Variants in CTC1 observed in about 807,000 individuals in gnomAD.
CTC1 encodes the protein CST complex subunit CTC1.
Under a neutral mutation model 136.3 loss-of-function variants are expected in CTC1, and 91 were observed. That is an observed-to-expected ratio of 0.67 (90% CI 0.56 to 0.79). CTC1 has a LOEUF of 0.79. Among genes scored for constraint, CTC1 ranks in the 30% least tolerant of loss-of-function variants. The pLI, the probability that CTC1 is intolerant of heterozygous loss-of-function variation, is 0.00. For synonymous variants in CTC1, 606 were observed against 613.8 expected, an observed-to-expected ratio of 0.99 and a Z score of 0.19; for missense variants, 1,432 against 1,498.1, an observed-to-expected ratio of 0.96 and a Z score of 0.73.
Position 8,229,420 on chromosome 17 carries a change from G to A in CTC1, c.3038C>T (p.Ala1013Val), listed in dbSNP as rs751416791. Residue 1013 changes from alanine (A) to valine (V), a missense_variant, in exon 19 of 23, where the codon GCT becomes GTT. Ala to Val is a moderately conservative substitution (Grantham distance 64). Transcript: ENST00000651323. Reference sequence around the variant, plus strand: ...GGACTGACCACCCTGCAGAAGTTCAGCCAGGTAGATGTGGGGCAGGGGAAT... The same window carrying A: ...GGACTGACCACCCTGCAGAAGTTCAACCAGGTAGATGTGGGGCAGGGGAAT... ...ISIPLPHIYL[A>V]ELLQGGQSPF... The A allele has an allele frequency of 6.2e-7, 1 of 1,613,822 alleles. No homozygotes were observed. Among genetic ancestry groups the A allele is most frequent in the South Asian group, 1.1e-5 (1 of 91,080 alleles).
rs1451961685 is a variant in CTC1, at chr17:8,226,310, A to C, written c.*1870T>G. 2.0e-5 allele frequency: 3 copies of C among 152,236 alleles called. No homozygotes were observed. The highest frequency in any genetic ancestry group is 7.2e-5 in the African/African-American group (3 of 41,452). 9.4% of individuals were successfully genotyped at this position (152,236 alleles called of 1,614,324 possible). On this transcript the variant is annotated 3_prime_UTR_variant, in exon 23 of 23. Transcript: ENST00000651323. ...TTTAACCAACTAAGCCACGGCGCCG[A>C]AGCTGCCATAAAGGTTCCTGAAATT... is the stretch of plus-strand genomic sequence containing the variant.
At chr17:8,244,175 C>T (rs993244912) in intron 1 of CTC1, among the ~76,000 whole-genome samples, 2 of 152,172 alleles carry the variant, frequency 1.3e-5, no homozygotes, top group Admixed American at 1.3e-4. Flanking sequence ...AATTTTTAAT[C>T]ATCTCCTTTT....
At chr17:8,229,102 T>C (rs749255678) in intron 20 of CTC1, 40 bp downstream of exon 20, 1 of 1,601,350 alleles carries the variant, frequency 6.2e-7, no homozygotes, top group South Asian at 1.1e-5. Flanking sequence ...AGTGGTCTCA[T>C]AAGTAAATGG....
Position 8,235,860 on chromosome 17 carries a change from G to A in CTC1, c.1177C>T (p.Arg393Trp), listed in dbSNP as rs767962215. ...AGACACACTCCAGGTCGCATCACCC[G>A]CCTAAGGCCACGGAACTGCTGGTAG... ...LAYQQFRGLRRVMRPGVCLQL... is the reference protein window; with the variant it reads ...LAYQQFRGLRWVMRPGVCLQL... Residue 393 changes from arginine to tryptophan, a missense_variant, in exon 7 of 23, where the codon CGG becomes TGG. Coordinates refer to ENST00000651323, the MANE Select transcript of CTC1 (RefSeq NM_025099.6). 26 of 1,613,368 alleles carry A rather than the reference G, an allele frequency of 1.6e-5. 1 individual carries two copies. In the South Asian group the frequency reaches 2.1e-4, roughly 13 times the overall value.
intron 1 of CTC1, among the ~76,000 whole-genome samples, chr17:8,245,764 T>A (rs1455011725): frequency 6.6e-6 from 1 of 151,878 alleles, no homozygotes; most frequent in Non-Finnish European, 1.5e-5. Context: ...CAAAGACCCG[T>A]CTCTACAAAA....
intron 2 of CTC1, among the ~76,000 whole-genome samples, chr17:8,241,082 A>G (rs1459373450): frequency 6.6e-6 from 1 of 152,018 alleles, no homozygotes; most frequent in Non-Finnish European, 1.5e-5. Context: ...TGAGGTCAGG[A>G]GTTCAAGACC....
chr17:8,241,800 T>C (rs1988240159), intron 2 of CTC1, among the ~76,000 whole-genome samples: 1 of 144,242 alleles, frequency 6.9e-6, no homozygotes, highest in Non-Finnish European at 1.5e-5. Context: ...CTGTGAGCCA[T>C]GTTTATACCA....
intron 1 of CTC1, 47 bp from the exon 2 acceptor site, chr17:8,243,195 C>T (rs375294079): frequency 6.4e-7 from 1 of 1,564,184 alleles, no homozygotes; most frequent in African/African-American, 1.4e-5. Context: ...TCCGGCCCAC[C>T]AAGGAAACTT....
intron 1 of CTC1, among the ~76,000 whole-genome samples, chr17:8,247,019 A>C (rs1398120816): frequency 7.1e-6 from 1 of 141,786 alleles, no homozygotes; most frequent in Non-Finnish European, 1.5e-5. Flanking sequence ...TTTGAGATGG[A>C]GTCTGGCTCT....
intron 2 of CTC1, among the ~76,000 whole-genome samples, chr17:8,238,897 C>T (rs974171387): frequency 3.3e-5 from 5 of 151,908 alleles, no homozygotes; most frequent in Admixed American, 3.3e-4. Context: ...TTGAGACCAG[C>T]CCGGCCAACA....
Position 8,238,233 on chromosome 17 carries a change from G to C in CTC1, c.445C>G (p.Leu149Val). The C allele has an allele frequency of 6.2e-7, 1 of 1,605,426 alleles. No homozygotes were observed. Among genetic ancestry groups the C allele is most frequent in the Non-Finnish European group, 8.5e-7 (1 of 1,174,000 alleles). The change falls in exon 4 of 23, where the codon CTG becomes GTG. Residue 149 changes from leucine (L) to valine (V), a missense_variant. Coordinates refer to ENST00000651323, the MANE Select transcript of CTC1 (RefSeq NM_025099.6). Reference sequence around the variant, plus strand: ...AGATGGCCCAACCAAGAAAGGTCCAGGTCTATGAGCTAAGAAAGACCAAGA... The same window carrying C: ...AGATGGCCCAACCAAGAAAGGTCCACGTCTATGAGCTAAGAAAGACCAAGA... Reference protein sequence around the residue: ...TGVLSCELIDLDLSWLGHLFL... With the variant: ...TGVLSCELIDVDLSWLGHLFL...
chr17:8,231,364 C>A lies in CTC1; in HGVS notation c.2581G>T (p.Glu861Ter), dbSNP rs1987206904. 3.1e-6 allele frequency: 5 copies of A among 1,612,286 alleles called. No individual in the cohort carries two copies. Among genetic ancestry groups the A allele is most frequent in the Non-Finnish European group, 4.2e-6 (5 of 1,178,686 alleles). Residue 861 changes from glutamate to a stop codon, truncating the protein, a stop_gained, in exon 15 of 23, where the codon GAG (glutamate) becomes TAG (stop). Transcript: ENST00000651323. LOFTEE classifies it high-confidence loss of function. ...CLTVQDNWTLELESSQDIQDV... is the reference protein window; with the variant it reads ...CLTVQDNWTL ...TGGATATCCTGGGAGCTTTCAAGCT[C>A]CAGAGTCCAGTTGTCCTGGACAGTG...
In CTC1 at chr17:8,245,528, C is replaced by T. The variant is rs181706329; in HGVS notation, c.34-2380G>A. Among the ~76,000 whole-genome samples, 1,078 of 152,168 alleles carry T rather than the reference C, an allele frequency of 7.1e-3. 10 individuals are homozygous for T. The highest frequency in any genetic ancestry group is 8.4e-3 in the Non-Finnish European group (571 of 68,006). ...TTTGTAGTTCCTGTTTCTCGGATGG[C>T]CTATCCTTTGCTTGGTGCACTGAAT... On this transcript the variant is annotated intron_variant, in intron 1 of 22. Coordinates refer to ENST00000651323, the MANE Select transcript of CTC1 (RefSeq NM_025099.6).
At position 8,236,294 on chromosome 17, in the gene CTC1, A is replaced by T. The variant is rs1246908412; in HGVS notation, c.841T>A (p.Tyr281Asn). ...GACACTCGCAGTTCTGTCAGCACAT[A>T]GGCTGTACCAGGCCGAAGGGCTCTG... ...WHRALRPGTAYVLTELRVSKI... is the reference protein window; with the variant it reads ...WHRALRPGTANVLTELRVSKI... The change falls in exon 6 of 23, where the codon TAT becomes AAT. Residue 281 changes from tyrosine to asparagine, a missense_variant. By Grantham distance (143) the Tyr-to-Asn change is moderately radical. Transcript: ENST00000651323. 6.2e-7 allele frequency: 1 copy of T among 1,612,562 alleles called. No individual in the cohort carries two copies.
At position 8,230,268 on chromosome 17, in the gene CTC1, A is replaced by C. The variant is rs374782426; in HGVS notation, c.2933+26T>G. 3.8e-5 allele frequency: 61 copies of C among 1,592,920 alleles called. No individual in the cohort carries two copies. In the African/African-American group the frequency reaches 7.8e-4, roughly 20 times the overall value. On this transcript the variant is annotated intron_variant, in intron 17 of 22. Coordinates refer to ENST00000651323, the MANE Select transcript of CTC1 (RefSeq NM_025099.6). ...AGAGAGCCACATCAGTAGCAAGAGG[A>C]GGCAGGTGACACTACACATCTTCAC...
chr17:8,232,820 T>C, intron 11 of CTC1, 86 bp downstream of exon 11: 2 of 1,538,928 alleles, frequency 1.3e-6, no homozygotes, highest in Non-Finnish European at 8.9e-7. Context: ...CTCTAGTAAA[T>C]CCCAGCAGGC....
rs1471939641 is a variant in CTC1, at chr17:8,224,931, A to G, written c.*3249T>C. On this transcript the variant is annotated 3_prime_UTR_variant, in exon 23 of 23. Transcript: ENST00000651323. ...CTGACAACACCTCCTCCCCCCTCCA[A>G]GGTTGAAGCGATTCTCTTGCCTCAG... is the stretch of plus-strand genomic sequence containing the variant. 6.6e-6 allele frequency: 1 copy of G among 152,056 alleles called. No homozygotes were observed. Among genetic ancestry groups the G allele is most frequent in the Non-Finnish European group, 1.5e-5 (1 of 68,008 alleles). The allele number at this position is 152,056 out of a possible 1,614,324, so 9.4% of individuals were successfully genotyped here.
chr17:8,238,670 C>A, intron 2 of CTC1, 41 bp from the exon 3 acceptor site: 1 of 1,465,360 alleles, frequency 6.8e-7, no homozygotes, highest in South Asian at 1.3e-5. Flanking sequence ...AAGCCAGGTC[C>A]AAGCCTACTA....
chr17:8,228,994 A>G (rs1321152597), intron 20 of CTC1, 102 bp from the exon 21 acceptor site: 1 of 1,492,388 alleles, frequency 6.7e-7, no homozygotes, highest in Non-Finnish European at 9.1e-7. Flanking sequence ...TCTTTGGCTC[A>G]CAGATTTAGG....
Sources: gnomAD v4.1 joint callset for allele counts (sites outside exome capture counted in the v4.1 genomes callset) on GRCh38, gnomAD v4.1.1 for gene constraint, MANE v1.5 for transcripts, NCBI Gene and HGNC (gene_info 2026-07-23, HGNC 2026-07-21) for gene names.